The following CD96 variants were observed in gnomAD, a reference collection of about 807,000 sequenced individuals.
The protein encoded by CD96 is T-cell surface protein tactile.
A neutral mutation model predicts 71.3 loss-of-function variants in CD96; 70 were observed. The observed-to-expected ratio is 0.98, with a 90% confidence interval of 0.81 to 1.20. CD96 has a LOEUF of 1.20. Among genes scored for constraint, CD96 ranks in the 50% most tolerant of loss-of-function variants. The pLI is 0.00. For missense variants in CD96, 742 were observed against 677.5 expected, an observed-to-expected ratio of 1.10 and a Z score of -1.06; for synonymous variants, 248 against 233.0, an observed-to-expected ratio of 1.06 and a Z score of -0.59.
At chr3:111,594,435 A>G (rs937285172) in intron 5 of CD96, 2 of 472,910 alleles carry the variant, frequency 4.2e-6, no homozygotes, top group East Asian at 3.1e-5. Context: ...CATTCCTTCC[A>G]TGCCCCAGAT....
intron 12 of CD96, 85 bp downstream of exon 12, chr3:111,638,253 T>TG: frequency 1.1e-6 from 1 of 872,580 alleles, no homozygotes; most frequent in Non-Finnish European, 2.0e-6. Context: ...TGCCAGGCAT[T>TG]ATGCCAGTTG....
At chr3:111,606,891 T>G (rs578172490) in intron 8 of CD96, 99 bp downstream of exon 8, 1 of 791,172 alleles carries the variant, frequency 1.3e-6, no homozygotes, top group South Asian at 1.4e-5. Context: ...TTCTTAGCTA[T>G]GACTTTTTTG....
At chr3:111,637,109 T>C in intron 10 of CD96, 87 bp from the exon 11 acceptor site, 1 of 767,264 alleles carries the variant, frequency 1.3e-6, no homozygotes, top group Non-Finnish European at 2.4e-6. Context: ...TAATATCCTT[T>C]TTTATAATTA....
At chr3:111,586,269 T>G (rs1205610388) in intron 5 of CD96, among the ~76,000 whole-genome samples, 4 of 152,208 alleles carry the variant, frequency 2.6e-5, no homozygotes, top group African/African-American at 9.6e-5. Flanking sequence ...TCTAACATTT[T>G]CTATTACATG....
intron 8 of CD96, among the ~76,000 whole-genome samples, chr3:111,607,383 T>G (rs994317291): frequency 3.9e-5 from 6 of 152,158 alleles, no homozygotes; most frequent in Admixed American, 2.6e-4. Context: ...AGCCCTCCCA[T>G]CTGAGGCATC....
intron 2 of CD96, among the ~76,000 whole-genome samples, chr3:111,561,312 G>C (rs1935386328): frequency 6.7e-6 from 1 of 149,766 alleles, no homozygotes; most frequent in Non-Finnish European, 1.5e-5. Flanking sequence ...CAGTTTTTCT[G>C]TTCTGTTTTT....
chr3:111,649,599 A>G, intron 13 of CD96, 99 bp from the exon 14 acceptor site: 1 of 829,890 alleles, frequency 1.2e-6, no homozygotes, highest in Admixed American at 1.7e-5. Flanking sequence ...TTTCTCATCA[A>G]TCTGTGTTCT....
chr3:111,628,868 C>T (rs981702190), intron 10 of CD96, among the ~76,000 whole-genome samples: 1 of 152,100 alleles, frequency 6.6e-6, no homozygotes, highest in Non-Finnish European at 1.5e-5. Context: ...ATTCAACATA[C>T]ATAAAAAAGA....
chr3:111,578,801 A>G (rs75261731), intron 3 of CD96, among the ~76,000 whole-genome samples: 2 of 152,364 alleles, frequency 1.3e-5, no homozygotes, highest in African/African-American at 2.4e-5. Flanking sequence ...AGCTCTAGTC[A>G]GAAGAACAGA....
At chr3:111,648,937 G>A (rs534160555) in intron 13 of CD96, among the ~76,000 whole-genome samples, 2 of 152,296 alleles carry the variant, frequency 1.3e-5, no homozygotes, top group East Asian at 1.9e-4. Context: ...GAGATTACTT[G>A]TACTAACATA....
In CD96 at chr3:111,600,639, A is replaced by G. The variant is rs967376413; in HGVS notation, c.899-87A>G. 9.8e-6 allele frequency: 10 copies of G among 1,023,978 alleles called. No homozygotes were observed. The South Asian group carries it at 1.0e-4, about 11-fold the overall frequency. 63.4% of individuals were successfully genotyped at this position (1,023,978 alleles called of 1,614,324 possible). ...TGACCACTTTAGACTCTACATTACCACAAATTGATCATGCCATGCCTTGGC... is the reference window on the plus strand; with the variant it reads ...TGACCACTTTAGACTCTACATTACCGCAAATTGATCATGCCATGCCTTGGC... On this transcript the variant is annotated intron_variant, in intron 6 of 13. Coordinates refer to ENST00000352690, the MANE Select transcript of CD96 (RefSeq NM_005816.5).
chr3:111,546,881 G>T (rs571308164), intron 2 of CD96, among the ~76,000 whole-genome samples: 1 of 99,782 alleles, frequency 1.0e-5, no homozygotes, highest in East Asian at 3.3e-4. Context: ...CTGTTTTCCA[G>T]GAGGAAAACA....
At chr3:111,585,198 TATTA>T (rs1936650227) in intron 4 of CD96, 121 bp from the exon 5 acceptor site, 1 of 330,986 alleles carries the variant, frequency 3.0e-6, no homozygotes, top group Admixed American at 4.6e-5. Flanking sequence ...TATTAATAAA[TATTA>T]ATTTATAAAT....
intron 4 of CD96, among the ~76,000 whole-genome samples, chr3:111,580,451 G>T (rs976761199): frequency 1.2e-5 from 1 of 80,128 alleles, no homozygotes; most frequent in Non-Finnish European, 2.7e-5. Context: ...AAGCAGTGAG[G>T]TGGATAGACA....
chr3:111,612,926 G>A lies in CD96; in HGVS notation c.1180+6134G>A, dbSNP rs188040111. 11 of 304,588 alleles carry A rather than the reference G, an allele frequency of 3.6e-5. No individual in the cohort carries two copies. In the South Asian group the frequency reaches 5.2e-4, roughly 14 times the overall value. 18.9% of individuals were successfully genotyped at this position (304,588 alleles called of 1,614,324 possible). On this transcript the variant is annotated intron_variant, in intron 8 of 13. Coordinates refer to ENST00000352690, the MANE Select transcript of CD96 (RefSeq NM_005816.5). Reference sequence around the variant, plus strand: ...CCTCCTGCATCTGTAGCCCACCCCCGCCATCAACACTATTATCATATAATT... The same window carrying A: ...CCTCCTGCATCTGTAGCCCACCCCCACCATCAACACTATTATCATATAATT...
chr3:111,661,708 A>G (rs1246488220), intron 14 of CD96, among the ~76,000 whole-genome samples: 1 of 152,172 alleles, frequency 6.6e-6, no homozygotes, highest in Non-Finnish European at 1.5e-5. Flanking sequence ...ACTGATGCAA[A>G]GGGTGGGCTC....
intron 10 of CD96, among the ~76,000 whole-genome samples, chr3:111,624,751 G>A (rs1226380781): frequency 2.0e-5 from 3 of 152,254 alleles, no homozygotes; most frequent in African/African-American, 7.2e-5. Flanking sequence ...GCTATAACCA[G>A]TCAACCCGAA....
chr3:111,647,745 C>G (rs1385595798), intron 13 of CD96, 79 bp downstream of exon 13: 1 of 1,045,230 alleles, frequency 9.6e-7, no homozygotes, highest in African/African-American at 1.6e-5. Context: ...TATTATTACT[C>G]TATGAAGTTC....
At chr3:111,648,586 A>C (rs1939940834) in intron 13 of CD96, among the ~76,000 whole-genome samples, 1 of 152,242 alleles carries the variant, frequency 6.6e-6, no homozygotes, top group Non-Finnish European at 1.5e-5. Flanking sequence ...AATACATATG[A>C]AGTCTCCATT....
Sources: allele counts gnomAD v4.1 joint callset (sites outside exome capture counted in the v4.1 genomes callset), GRCh38; gene constraint gnomAD v4.1.1; transcripts MANE v1.5; gene names NCBI Gene and HGNC (gene_info 2026-07-23, HGNC 2026-07-21).